Variants in KLK15 observed in about 807,000 individuals in gnomAD.
KLK15 encodes kallikrein related peptidase 15.
A neutral mutation model predicts 21.1 loss-of-function variants in KLK15; 19 were observed. The observed-to-expected ratio is 0.90, with a 90% CI of 0.63 to 1.32. The LOEUF (loss-of-function observed/expected upper bound fraction) is 1.32. Among genes scored for constraint, KLK15 ranks in the 40% most tolerant of loss-of-function variants. The probability of loss-of-function intolerance (pLI) is 0.00; values close to 1 mark genes in which losing one functional copy is unlikely to be tolerated. For missense variants in KLK15, 345 were observed against 348.6 expected (o/e 0.99, Z 0.08); for synonymous variants, 141 against 141.5 (o/e 1.00, Z 0.03).
At position 50,825,869 on chromosome 19, in the gene KLK15, G is replaced by T. The variant is rs756829160; in HGVS notation, c.698C>A (p.Thr233Asn). The T allele has an allele frequency of 5.0e-6, 8 of 1,613,882 alleles. No homozygotes were observed. In the South Asian group the frequency reaches 7.7e-5, roughly 16 times the overall value. ...TTTGGTATAGACACCAGGCTTGGTG[G>T]TGTTGTCACAAGGGACGTCACCCCA... Residue 233 changes from threonine to asparagine, a missense_variant, in exon 5 of 5, where the codon ACC becomes AAC. By Grantham distance (65) the Thr-to-Asn change is moderately conservative. Transcript: ENST00000598239.
intron 4 of KLK15, 128 bp from the exon 6 acceptor site, chr19:50,826,076 C>T (rs1303573353): frequency 9.1e-6 from 8 of 883,080 alleles, no homozygotes; most frequent in Non-Finnish European, 1.4e-5. Flanking sequence ...CCCAACTCAA[C>T]TCAATACAGC....
Position 50,830,756 on chromosome 19 carries a change from C to T in KLK15, c.43+694G>A, listed in dbSNP as rs142859948. Among the ~76,000 whole-genome samples, 30 of 152,360 alleles carry T rather than the reference C, an allele frequency of 2.0e-4. No homozygotes were observed. The East Asian group carries it at 3.9e-3, about 20-fold the overall frequency. On this transcript the variant is annotated intron_variant, in intron 1 of 4. Coordinates refer to ENST00000598239, the Ensembl canonical transcript of KLK15. ...TGAGTTCAATCTGGAGTTTGCCTGA[C>T]ACCCAAGGTGACCTTGATGTTGTGG... is the stretch of plus-strand genomic sequence containing the variant.
downstream of KLK15, chr19:50,825,687 T>G: frequency 8.7e-7 from 1 of 1,144,622 alleles, no homozygotes; most frequent in Non-Finnish European, 1.2e-6. Flanking sequence ...ATCTGGGCCT[T>G]GGACAGGGTC....
At chr19:50,832,463 C>T (rs1036969665), upstream of KLK15, among the ~76,000 whole-genome samples, 2 of 151,714 alleles carry the variant, frequency 1.3e-5, no homozygotes, top group African/African-American at 2.4e-5. Flanking sequence ...ATTGGGATTA[C>T]AGGTGTGTGC....
exon 2 of KLK15, chr19:50,827,751 T>C: frequency 6.2e-7 from 1 of 1,611,022 alleles, no homozygotes; most frequent in Non-Finnish European, 8.5e-7. Flanking sequence ...AGAGAGCCAC[T>C]TGCCATGGCT....
upstream of KLK15, among the ~76,000 whole-genome samples, chr19:50,831,815 CTT>C (rs397938582): frequency 7.0e-6 from 1 of 143,114 alleles, no homozygotes. Context: ...CCTGTCCCAA[CTT>C]TTTTTTTTTT....
At chr19:50,832,209 C>A (rs2090000416), upstream of KLK15, among the ~76,000 whole-genome samples, 1 of 152,044 alleles carries the variant, frequency 6.6e-6, no homozygotes, top group African/African-American at 2.4e-5. Flanking sequence ...CCCAAAGGGT[C>A]TTTCTACATC....
chr19:50,826,372 A>T, intron 4 of KLK15: 1 of 471,446 alleles, frequency 2.1e-6, no homozygotes, highest in East Asian at 3.4e-5. Flanking sequence ...AAACCAAACC[A>T]TTCCCATTCT....
rs759086472 is a variant in KLK15 at position 50,827,071 on chromosome 19, CGGGTGTGGAATGACCCGAGACGTGG to C, written c.263_287del (p.Thr88SerfsTer17). On this transcript the variant is annotated frameshift_variant, in exon 3 of 5. Transcript: ENST00000598239. LOFTEE classifies it high-confidence loss of function. ...TGCGGTGGCTGCGCGCTTCGTAGCG[CGGGTGTGGAATGACCCGAGACGTGG>C]TCCGTAGTTGCTCTGGGCCATCGCG... 3 of 1,606,414 alleles carry C rather than the reference CGGGTGTGGAATGACCCGAGACGTGG, an allele frequency of 1.9e-6. No homozygotes were observed. In the African/African-American group the frequency reaches 4.0e-5, roughly 21 times the overall value.
chr19:50,828,969 C>CAAAAAAAAAAAAAAAAAAAAAA, intron 1 of KLK15, among the ~76,000 whole-genome samples: 1 of 56,642 alleles, frequency 1.8e-5, no homozygotes, highest in Non-Finnish European at 3.2e-5. Flanking sequence ...AACTCCATCT[C>CAAAAAAAAAAAAAAAAAAAAAA]AAAAAAAAAA....
chr19:50,825,933 G>T, exon 5 of KLK15: 1 of 1,613,060 alleles, frequency 6.2e-7, no homozygotes, highest in Non-Finnish European at 8.5e-7. Context: ...CAGACCAGGG[G>T]TCCCCCAGAG....
chr19:50,831,326 G>A (rs956379133), intron 1 of KLK15, 124 bp downstream of exon 2: 3 of 653,528 alleles, frequency 4.6e-6, no homozygotes, highest in African/African-American at 1.9e-5. Context: ...ACAGGTGGAG[G>A]GTGAAGGAAG....
upstream of KLK15, among the ~76,000 whole-genome samples, chr19:50,832,246 T>A (rs989584130): frequency 2.0e-5 from 3 of 151,424 alleles, no homozygotes; most frequent in Non-Finnish European, 4.4e-5. Context: ...CCTCCCCTGC[T>A]CACCACCCTC....
At chr19:50,831,172 G>A (rs1284279412) in intron 1 of KLK15, 4 of 332,832 alleles carry the variant, frequency 1.2e-5, no homozygotes, top group Non-Finnish European at 2.2e-5. Flanking sequence ...ACACAGCAAG[G>A]AAGCGGTTGC....
intron 2 of KLK15, 80 bp from the exon 4 acceptor site, chr19:50,827,241 G>T: frequency 1.4e-6 from 2 of 1,396,270 alleles, no homozygotes; most frequent in Non-Finnish European, 1.9e-6. Flanking sequence ...AGATCAAAGA[G>T]TGGGCAACCC....
At chr19:50,825,739 C>T, downstream of KLK15, 6 of 1,559,380 alleles carry the variant, frequency 3.8e-6, no homozygotes, top group Non-Finnish European at 5.2e-6. Context: ...GGCGGGGCTG[C>T]TGGCCAGCTG....
chr19:50,826,539 CA>C, intron 4 of KLK15, 81 bp downstream of exon 5: 1 of 1,475,728 alleles, frequency 6.8e-7, no homozygotes, highest in Non-Finnish European at 9.0e-7. Flanking sequence ...TGGCCCAAAG[CA>C]AAGAAAATCC....
In KLK15 at chr19:50,831,221, T is replaced by C. The variant is rs112561736; in HGVS notation, c.43+229A>G. 1.8e-5 allele frequency: 7 copies of C among 395,376 alleles called. 1 individual carries two copies. The highest frequency in any genetic ancestry group is 8.3e-5 in the African/African-American group (4 of 47,964). 24.5% of individuals were successfully genotyped at this position (395,376 alleles called of 1,614,324 possible). On this transcript the variant is annotated intron_variant, in intron 1 of 4. Transcript: ENST00000598239. ...TCAGGTTTGTGTAACCCCAGGACCG[T>C]GTTCCTTGTCGTGGGCAGCGAGAGG...
At chr19:50,825,805 C>T in exon 5 of KLK15, 2 of 1,613,768 alleles carry the variant, frequency 1.2e-6, no homozygotes, top group South Asian at 1.1e-5. Flanking sequence ...GTCAGTTCCT[C>T]TTCATGGTTT....
Sources: gnomAD v4.1 joint callset for allele counts (sites outside exome capture counted in the v4.1 genomes callset) on GRCh38, gnomAD v4.1.1 for gene constraint, MANE v1.5 for transcripts, NCBI Gene and HGNC (gene_info 2026-07-23, HGNC 2026-07-21) for gene names.